The following GPR37L1 variants were observed in gnomAD, a reference collection of about 807,000 sequenced individuals.
GPR37L1 encodes the protein G protein-coupled receptor 37 like 1.
In GPR37L1, 18 loss-of-function variants were observed where a neutral mutation model predicts 18.0. The ratio of observed to expected loss-of-function variants is 1.00; its 90% CI spans 0.69 to 1.49. GPR37L1 has a LOEUF of 1.49. Ranked by LOEUF, GPR37L1 falls within the 40% of genes most tolerant of loss-of-function variation. The probability of loss-of-function intolerance (pLI) is 0.00; values close to 1 mark genes in which losing one functional copy is unlikely to be tolerated. For synonymous variants in GPR37L1, 256 were observed against 273.9 expected (o/e 0.93, Z 0.65); for missense variants, 558 against 615.1 (o/e 0.91, Z 0.98).
In GPR37L1 at chr1:202,127,833, C is replaced by A. The variant is rs527836382; in HGVS notation, c.723C>A (p.Pro241=). ...CCAGCACCCTGCCCAAGGTGAGGCC[C>A]ATCGAGCGGTGCCAATCCATCCTGG... ...VATSTLPKVR[P]IERCQSILAK... Residue 241 remains proline (P), a synonymous_variant, in exon 2 of 2, where the codon CCC becomes CCA. Coordinates refer to ENST00000367282, the MANE Select transcript of GPR37L1 (RefSeq NM_004767.5). The A allele has an allele frequency of 4.3e-6, 7 of 1,613,926 alleles. No homozygotes were observed. In the South Asian group the frequency reaches 6.6e-5, roughly 15 times the overall value.
intron 1 of GPR37L1, among the ~76,000 whole-genome samples, chr1:202,126,988 G>A (rs1208312229): frequency 6.6e-6 from 1 of 152,134 alleles, no homozygotes. Flanking sequence ...GTTCTTCCTT[G>A]GAGATGATTT....
intron 1 of GPR37L1, 69 bp downstream of exon 1, chr1:202,123,662 C>T: frequency 2.1e-6 from 3 of 1,408,428 alleles, no homozygotes; most frequent in South Asian, 1.4e-5. Flanking sequence ...AAGTCTCCAT[C>T]AGGTCTTTGG....
intron 1 of GPR37L1, among the ~76,000 whole-genome samples, chr1:202,126,205 C>T (rs1391410457): frequency 6.6e-6 from 1 of 152,044 alleles, no homozygotes; most frequent in Non-Finnish European, 1.5e-5. Flanking sequence ...GTCAGGAGAT[C>T]GAGACCATCC....
In GPR37L1 at chr1:202,128,978, C is replaced by T; in HGVS notation, c.*422C>T. On this transcript the variant is annotated 3_prime_UTR_variant, in exon 2 of 2. Transcript: ENST00000367282. ...TCTTGGAATGGGGGCTCCTTGGGGC[C>T]AGCCCAGTGTGGCTCACCACACTCT... The T allele has an allele frequency of 6.1e-6, 1 of 164,406 alleles. No individual in the cohort carries two copies. The highest frequency in any genetic ancestry group is 6.1e-5 in the Admixed American group (1 of 16,274). 10.2% of individuals were successfully genotyped at this position (164,406 alleles called of 1,614,324 possible).
intron 1 of GPR37L1, 108 bp downstream of exon 1, chr1:202,123,701 G>C: frequency 1.0e-6 from 1 of 983,516 alleles, no homozygotes; most frequent in Non-Finnish European, 1.5e-6. Context: ...TGCAAAACCT[G>C]AGTCTTGGAG....
chr1:202,123,386 T>A lies in GPR37L1; in HGVS notation c.423T>A (p.Phe141Leu). 1 of 1,614,138 alleles carries A rather than the reference T, an allele frequency of 6.2e-7. No homozygotes were observed. Among genetic ancestry groups the A allele is most frequent in the Non-Finnish European group, 8.5e-7 (1 of 1,180,020 alleles). The change falls in exon 1 of 2, where the codon TTT (phenylalanine) becomes TTA (leucine). Residue 141 changes from phenylalanine (F) to leucine (L), a missense_variant. Physicochemically the swap from Phe to Leu is conservative, Grantham distance 22. Transcript: ENST00000367282. The stretch of plus-strand genomic sequence containing the variant: ...TCATGCTTCTGGCGCTGGTGGTGTT[T>A]GCGGTGGGCATTGTGGGCAACCTGT... ...YAIMLLALVV[F>L]AVGIVGNLSV...
intron 1 of GPR37L1, 135 bp downstream of exon 1, chr1:202,123,728 CT>C: frequency 1.3e-6 from 1 of 799,806 alleles, no homozygotes; most frequent in Non-Finnish European, 2.0e-6. Context: ...CTTGCTCCTC[CT>C]TTACCTTGGA....
rs541324374 is a variant in GPR37L1 at position 202,122,970 on chromosome 1, T to G, written c.7T>G (p.Trp3Gly). 1.2e-6 allele frequency: 2 copies of G among 1,612,736 alleles called. No homozygotes were observed. Among genetic ancestry groups the G allele is most frequent in the African/African-American group, 2.7e-5 (2 of 75,040 alleles). MR[W>G]LWPLAVSLAV... Reference sequence around the variant, plus strand: ...GTCTCCTGCTCATCCAGCCATGCGGTGGCTGTGGCCCCTGGCTGTCTCTCT... The same window carrying G: ...GTCTCCTGCTCATCCAGCCATGCGGGGGCTGTGGCCCCTGGCTGTCTCTCT... Residue 3 changes from tryptophan (W) to glycine (G), a missense_variant, in exon 1 of 2, where the codon TGG becomes GGG. Trp to Gly is a radical substitution (Grantham distance 184). Coordinates refer to ENST00000367282, the MANE Select transcript of GPR37L1 (RefSeq NM_004767.5).
intron 1 of GPR37L1, among the ~76,000 whole-genome samples, 168 bp from the exon 2 acceptor site, chr1:202,127,573 C>T (rs1654704475): frequency 6.6e-6 from 1 of 152,200 alleles, no homozygotes; most frequent in South Asian, 2.1e-4. Flanking sequence ...GCCTCGGCCT[C>T]TCAAAGTGCT....
At chr1:202,123,722 C>T (rs758202625) in intron 1 of GPR37L1, 129 bp downstream of exon 1, 5 of 823,482 alleles carry the variant, frequency 6.1e-6, no homozygotes, top group Non-Finnish European at 9.6e-6. Context: ...CTCTGACTTG[C>T]TCCTCCTTTA....
chr1:202,123,821 C>T (rs1014929182), intron 1 of GPR37L1, among the ~76,000 whole-genome samples: 2 of 152,092 alleles, frequency 1.3e-5, no homozygotes, highest in Non-Finnish European at 2.9e-5. Context: ...TGTGTGGGGC[C>T]CCTGGGTTCC....
In GPR37L1 at chr1:202,133,264, C is replaced by T. The variant is rs41270967; in HGVS notation, c.*4708C>T. 8,495 of 152,338 alleles carry T rather than the reference C, an allele frequency of 0.056. 285 individuals carry two copies. Among genetic ancestry groups the T allele is most frequent in the Non-Finnish European group, 0.074 (5,007 of 68,040 alleles). The allele number at this position is 152,338 out of a possible 1,614,324, so 9.4% of individuals were successfully genotyped here. ...TGTGGGAGGCCGTTTTGTGCAGCGC[C>T]ATTGTGCTCCCCGGGCGGGCATGTG... On this transcript the variant is annotated 3_prime_UTR_variant, in exon 2 of 2. Transcript: ENST00000367282.
Position 202,132,458 on chromosome 1 carries a change from T to C in GPR37L1, c.*3902T>C, listed in dbSNP as rs1402911415. 1.3e-5 allele frequency: 2 copies of C among 152,338 alleles called. No individual in the cohort carries two copies. The highest frequency in any genetic ancestry group is 4.8e-5 in the African/African-American group (2 of 41,462). 9.4% of individuals were successfully genotyped at this position (152,338 alleles called of 1,614,324 possible). A position where few individuals can be genotyped will look rare whatever the true frequency, so the allele number is the denominator to read the frequency against. On this transcript the variant is annotated 3_prime_UTR_variant, in exon 2 of 2. Coordinates refer to ENST00000367282, the MANE Select transcript of GPR37L1 (RefSeq NM_004767.5). ...CAGGGAACTGCTCTGACAGGTCTGA[T>C]GACTGCCTCCAGGAGGAAGCCCTGG... is the stretch of plus-strand genomic sequence containing the variant.
At chr1:202,125,524 A>G (rs898467354) in intron 1 of GPR37L1, among the ~76,000 whole-genome samples, 11 of 152,180 alleles carry the variant, frequency 7.2e-5, no homozygotes, top group Non-Finnish European at 1.2e-4. Context: ...TGGTAGGTCA[A>G]TGAACACCTG....
At chr1:202,123,756 G>T (rs1654573917) in intron 1 of GPR37L1, among the ~76,000 whole-genome samples, 163 bp downstream of exon 1, 1 of 152,142 alleles carries the variant, frequency 6.6e-6, no homozygotes, top group African/African-American at 2.4e-5. Flanking sequence ...GACAAATACG[G>T]TATTGGTTTC....
rs551888837 is a variant in GPR37L1 at position 202,133,020 on chromosome 1, G to A, written c.*4464G>A. The A allele has an allele frequency of 6.5e-6, 1 of 152,728 alleles. No individual in the cohort carries two copies. The highest frequency in any genetic ancestry group is 2.4e-5 in the African/African-American group (1 of 41,552). 9.5% of individuals were successfully genotyped at this position (152,728 alleles called of 1,614,324 possible). ...GCTGCTGGTGAGATCCAGGGCCTGG[G>A]AAAGAGGGGCTGAGGCCTGAACTGG... On this transcript the variant is annotated 3_prime_UTR_variant, in exon 2 of 2. Transcript: ENST00000367282.
At position 202,128,430 on chromosome 1, in the gene GPR37L1, C is replaced by A. The variant is rs200746512; in HGVS notation, c.1320C>A (p.Gly440=). 42 of 1,611,522 alleles carry A rather than the reference C, an allele frequency of 2.6e-5. No individual in the cohort carries two copies. The highest frequency in any genetic ancestry group is 3.3e-5 in the Non-Finnish European group (39 of 1,179,034). Residue 440 remains glycine (G), a synonymous_variant, in exon 2 of 2, where the codon GGC becomes GGA. Coordinates refer to ENST00000367282, the MANE Select transcript of GPR37L1 (RefSeq NM_004767.5). ...GCTGCTGCTGCTGTGAGGAGTGCGGCGGGGCTTCGGAGGCCTCTGCTGCCA... is the reference window on the plus strand; with the variant it reads ...GCTGCTGCTGCTGTGAGGAGTGCGGAGGGGCTTCGGAGGCCTCTGCTGCCA... ...CCCCCCCEEC[G]GASEASAANG...
rs780376473 is a variant in GPR37L1, at chr1:202,127,831, C to A, written c.721C>A (p.Pro241Thr). 1 of 1,613,888 alleles carries A rather than the reference C, an allele frequency of 6.2e-7. No individual in the cohort carries two copies. ...CACCAGCACCCTGCCCAAGGTGAGG[C>A]CCATCGAGCGGTGCCAATCCATCCT... is the stretch of plus-strand genomic sequence containing the variant. ...VATSTLPKVR[P>T]IERCQSILAK... The change falls in exon 2 of 2, where the codon CCC (proline) becomes ACC (threonine). Residue 241 changes from proline (P) to threonine (T), a missense_variant. Pro to Thr is a conservative substitution (Grantham distance 38). Coordinates refer to ENST00000367282, the MANE Select transcript of GPR37L1 (RefSeq NM_004767.5).
intron 1 of GPR37L1, 94 bp downstream of exon 1, chr1:202,123,687 G>A (rs1405525142): frequency 2.4e-6 from 3 of 1,224,488 alleles, no homozygotes; most frequent in African/African-American, 1.5e-5. Flanking sequence ...GGAATTTGTG[G>A]GTGTGCAAAA....
Sources: gnomAD v4.1 joint callset for allele counts (sites outside exome capture counted in the v4.1 genomes callset) on GRCh38, gnomAD v4.1.1 for gene constraint, MANE v1.5 for transcripts, NCBI Gene and HGNC (gene_info 2026-07-23, HGNC 2026-07-21) for gene names.